The following NIPAL3 variants were observed in gnomAD, a reference collection of about 807,000 sequenced individuals.
The protein encoded by NIPAL3 is NIPA-like protein 3.
A neutral mutation model predicts 47.2 loss-of-function variants in NIPAL3; 41 were observed. The observed-to-expected ratio is 0.87, with a 90% CI of 0.68 to 1.13. NIPAL3 has a LOEUF of 1.13. NIPAL3 is among the 50% of genes most tolerant of loss of function. The pLI is 0.00. For missense variants in NIPAL3, 449 were observed against 530.1 expected (o/e 0.85, Z 1.50); for synonymous variants, 194 against 209.6 (o/e 0.93, Z 0.64).
chr1:24,465,116 AACCC>A, intron 11 of NIPAL3: 1 of 152,222 alleles, frequency 6.6e-6, no homozygotes, highest in Admixed American at 6.5e-5. Context: ...GTGCTCCTTC[AACCC>A]AGCTTGTTCA....
chr1:24,436,746 G>A (rs967555066), intron 2 of NIPAL3, among the ~76,000 whole-genome samples: 33 of 151,940 alleles, frequency 2.2e-4, no homozygotes, highest in African/African-American at 7.2e-4. Context: ...TGATTCACCC[G>A]CCTTGGCCTC....
intron 2 of NIPAL3, among the ~76,000 whole-genome samples, chr1:24,426,467 G>C (rs908817631): frequency 1.3e-5 from 2 of 152,054 alleles, no homozygotes; most frequent in African/African-American, 4.8e-5. Context: ...GCTAATTTTT[G>C]TATTGTTAGT....
intron 2 of NIPAL3, among the ~76,000 whole-genome samples, chr1:24,428,258 A>AAGAGAGAGAGAGAGAGAGAGAGAGAGAG (rs56082168): frequency 5.9e-5 from 7 of 119,548 alleles, no homozygotes; most frequent in East Asian, 2.6e-4. Flanking sequence ...CTCAAAAAGA[A>AAGAGAGAGAGAGAGAGAGAGAGAGAGAG]AGAGAGAGAG....
At chr1:24,419,910 C>T (rs1005024581) in intron 2 of NIPAL3, 15 of 307,900 alleles carry the variant, frequency 4.9e-5, no homozygotes, top group Admixed American at 2.0e-4. Context: ...GGTGAAACCC[C>T]GTCTCTACTA....
chr1:24,421,958 C>G (rs1265859596), intron 2 of NIPAL3: 1 of 152,296 alleles, frequency 6.6e-6, no homozygotes, highest in Non-Finnish European at 1.5e-5. Flanking sequence ...CTCCGGTGTC[C>G]TGACTCCTGC....
At position 24,449,419 on chromosome 1, in the gene NIPAL3, A is replaced by C; in HGVS notation, c.395-62A>C. 2 of 1,577,790 alleles carry C rather than the reference A, an allele frequency of 1.3e-6. No homozygotes were observed. Among genetic ancestry groups the C allele is most frequent in the South Asian group, 2.3e-5 (2 of 88,102 alleles). Reference sequence around the variant, plus strand: ...GAAGCCTGTTTTTTCATGGCTGAGAACGTGTACTGTATCTTGGGCCTGTTG... The same window carrying C: ...GAAGCCTGTTTTTTCATGGCTGAGACCGTGTACTGTATCTTGGGCCTGTTG... On this transcript the variant is annotated intron_variant, in intron 5 of 11. Coordinates refer to ENST00000374399, the MANE Select transcript of NIPAL3 (RefSeq NM_020448.5). This position sits in a 1 kb window ranked among gnomAD's most constrained non-coding sequence, Gnocchi z 4.5.
chr1:24,434,588 C>G (rs1645017473), intron 2 of NIPAL3, among the ~76,000 whole-genome samples: 1 of 152,098 alleles, frequency 6.6e-6, no homozygotes, highest in Non-Finnish European at 1.5e-5. Context: ...GCAACTAGAC[C>G]TGACAGAAAT....
chr1:24,465,316 A>T (rs1261779687), intron 11 of NIPAL3: 1 of 152,090 alleles, frequency 6.6e-6, no homozygotes, highest in Non-Finnish European at 1.5e-5. Context: ...TGGATAGCTG[A>T]ATTCCAGATA....
At chr1:24,415,792 T>C, upstream of NIPAL3, 1 of 971,854 alleles carries the variant, frequency 1.0e-6, no homozygotes, top group Non-Finnish European at 1.2e-6. Context: ...TGCAGCATCT[T>C]GGCAGCTCTG....
At position 24,444,075 on chromosome 1, in the gene NIPAL3, G is replaced by A. The variant is rs560762764; in HGVS notation, c.335-1110G>A. Among the ~76,000 whole-genome samples, 24 of 151,680 alleles carry A rather than the reference G, an allele frequency of 1.6e-4. 1 individual carries two copies. The South Asian group carries it at 4.4e-3, about 28-fold the overall frequency. On this transcript the variant is annotated intron_variant, in intron 4 of 11. Coordinates refer to ENST00000374399, the MANE Select transcript of NIPAL3 (RefSeq NM_020448.5). The stretch of plus-strand genomic sequence containing the variant: ...GATAAAACTTCAGATATCAGCCACT[G>A]GAAATGAAGGGGCCCTATAGCTTCT...
In NIPAL3 at chr1:24,454,607, C is replaced by G. The variant is rs1206226373; in HGVS notation, c.637+1103C>G. 3.3e-6 allele frequency: 3 copies of G among 916,306 alleles called. No homozygotes were observed. Among genetic ancestry groups the G allele is most frequent in the Non-Finnish European group, 3.9e-6 (3 of 767,066 alleles). The allele number at this position is 916,306 out of a possible 1,614,324, so 56.8% of individuals were successfully genotyped here. On this transcript the variant is annotated intron_variant, in intron 7 of 11. Coordinates refer to ENST00000374399, the MANE Select transcript of NIPAL3 (RefSeq NM_020448.5). This position sits in a 1 kb window ranked among gnomAD's most constrained non-coding sequence, Gnocchi z 4.1. ...ATAAAGTTCACCTGTTTAAAGTATA[C>G]AATTCAGTGGTTTTTAGTATTTCAT...
chr1:24,419,422 A>C lies in NIPAL3; in HGVS notation c.-126A>C. 1 of 1,383,920 alleles carries C rather than the reference A, an allele frequency of 7.2e-7. No homozygotes were observed. Among genetic ancestry groups the C allele is most frequent in the Non-Finnish European group, 9.4e-7 (1 of 1,067,150 alleles). The allele number at this position is 1,383,920 out of a possible 1,614,324, so 85.7% of individuals were successfully genotyped here. ...AACAGCCTTGAAGTATTCTTTTGTC[A>C]TGAGGAAGTGACGGCTGCTGGAGGG... On this transcript the variant is annotated 5_prime_UTR_variant, in exon 2 of 12. It removes an upstream start codon present in the reference 5' UTR. Transcript: ENST00000374399.
chr1:24,462,773 A>C (rs191672389), intron 10 of NIPAL3, among the ~76,000 whole-genome samples: 7 of 151,844 alleles, frequency 4.6e-5, no homozygotes, highest in Admixed American at 1.3e-4. Flanking sequence ...TCTCGAAAAA[A>C]AATAATGAAC....
At position 24,436,803 on chromosome 1, in the gene NIPAL3, G is replaced by A. The variant is rs573627224; in HGVS notation, c.94-3369G>A. 1.8e-3 allele frequency among the ~76,000 whole-genome samples: 278 copies of A among 152,034 alleles called. 1 individual carries two copies. The highest frequency in any genetic ancestry group is 0.017 in the South Asian group (83 of 4,816). ...CGTGAGCCACCGCGCCCAGCCTTTT[G>A]TTTGCCTTATATGTGATGACCAGGG... is the stretch of plus-strand genomic sequence containing the variant. On this transcript the variant is annotated intron_variant, in intron 2 of 11. Coordinates refer to ENST00000374399, the MANE Select transcript of NIPAL3 (RefSeq NM_020448.5).
At position 24,453,419 on chromosome 1, in the gene NIPAL3, C is replaced by CA. The variant is rs1646037656; in HGVS notation, c.553dup (p.Ile185AsnfsTer54). The stretch of plus-strand genomic sequence containing the variant: ...GCTGCCTTCCACAGCTGGTGGAGAT[C>CA]ATTCTGTTCTGCTTGCTGCTCTACT... On this transcript the variant is annotated frameshift_variant, in exon 7 of 12. Coordinates refer to ENST00000374399, the MANE Select transcript of NIPAL3 (RefSeq NM_020448.5). LOFTEE classifies it high-confidence loss of function. The CA allele has an allele frequency of 1.9e-6, 3 of 1,613,156 alleles. No individual in the cohort carries two copies. Among genetic ancestry groups the CA allele is most frequent in the Non-Finnish European group, 2.5e-6 (3 of 1,179,508 alleles).
At chr1:24,443,228 A>C (rs1447545343) in intron 4 of NIPAL3, among the ~76,000 whole-genome samples, 2 of 152,240 alleles carry the variant, frequency 1.3e-5, no homozygotes, top group Non-Finnish European at 2.9e-5. Flanking sequence ...AAACAGAATT[A>C]GAAAAAAAAA....
At chr1:24,435,026 T>C (rs1349794058) in intron 2 of NIPAL3, among the ~76,000 whole-genome samples, 3 of 152,168 alleles carry the variant, frequency 2.0e-5, no homozygotes, top group Admixed American at 1.3e-4. Flanking sequence ...ACTATAGTAG[T>C]CAAGACAATA....
At chr1:24,423,150 C>T (rs948508850) in intron 2 of NIPAL3, among the ~76,000 whole-genome samples, 1 of 152,204 alleles carries the variant, frequency 6.6e-6, no homozygotes, top group African/African-American at 2.4e-5. Context: ...TGAATACTGC[C>T]TTACATATTG....
intron 5 of NIPAL3, among the ~76,000 whole-genome samples, 168 bp downstream of exon 5, chr1:24,445,412 C>G (rs1182104573): frequency 6.6e-6 from 1 of 152,142 alleles, no homozygotes; most frequent in Non-Finnish European, 1.5e-5. Flanking sequence ...ATCAGGGGTT[C>G]TCAAGCCTGG....
Sources: gnomAD v4.1 joint callset for allele counts (sites outside exome capture counted in the v4.1 genomes callset) on GRCh38, gnomAD v4.1.1 for gene constraint, Gnocchi (gnomAD v3.1) non-coding constraint, MANE v1.5 for transcripts, NCBI Gene and HGNC (gene_info 2026-07-23, HGNC 2026-07-21) for gene names.